The following SGMS1 variants were observed in gnomAD, a reference collection of about 807,000 sequenced individuals.
SGMS1 encodes the protein sphingomyelin synthase 1.
In SGMS1, 13 loss-of-function variants were observed where a neutral mutation model predicts 46.2. The observed-to-expected ratio is 0.28, with a 90% confidence interval of 0.18 to 0.45. The LOEUF (loss-of-function observed/expected upper bound fraction) is 0.45, where lower values mean the gene tolerates loss of function less well. Ranked by LOEUF, SGMS1 falls within the 20% of genes least tolerant of loss-of-function variation. The probability of loss-of-function intolerance (pLI) is 1.00; values close to 1 mark genes in which losing one functional copy is unlikely to be tolerated. For synonymous variants in SGMS1, 203 were observed against 187.8 expected (o/e 1.08, Z -0.66); for missense variants, 324 against 519.9 (o/e 0.62, Z 3.66).
At chr10:50,459,283 G>C (rs912047197) in intron 5 of SGMS1, among the ~76,000 whole-genome samples, 1 of 151,980 alleles carries the variant, frequency 6.6e-6, no homozygotes, top group African/African-American at 2.4e-5. Flanking sequence ...AATAAAAGTT[G>C]AAAATACTTA....
intron 6 of SGMS1, among the ~76,000 whole-genome samples, chr10:50,405,446 T>C (rs1470948869): frequency 1.3e-5 from 2 of 152,188 alleles, no homozygotes; most frequent in East Asian, 3.8e-4. Context: ...ATTTCTCCCT[T>C]TCTAATGTTT....
chr10:50,463,400 A>G (rs1837291089), intron 4 of SGMS1, among the ~76,000 whole-genome samples: 2 of 152,252 alleles, frequency 1.3e-5, no homozygotes, highest in Admixed American at 6.5e-5. Flanking sequence ...CAAATGGTCA[A>G]TAAGTACATG....
chr10:50,321,824 G>C (rs972146008), intron 8 of SGMS1, among the ~76,000 whole-genome samples: 1 of 152,174 alleles, frequency 6.6e-6, no homozygotes, highest in Non-Finnish European at 1.5e-5. Context: ...ACTGAAGAAG[G>C]CCATAACATC....
At chr10:50,512,265 G>T (rs192208270) in intron 3 of SGMS1, among the ~76,000 whole-genome samples, 1 of 152,010 alleles carries the variant, frequency 6.6e-6, no homozygotes, top group Admixed American at 6.6e-5. Flanking sequence ...CTCCATACAT[G>T]ATAGCACTCA....
At chr10:50,507,993 C>T (rs1341690442) in intron 3 of SGMS1, among the ~76,000 whole-genome samples, 2 of 152,230 alleles carry the variant, frequency 1.3e-5, no homozygotes, top group East Asian at 3.9e-4. Flanking sequence ...ACAACAGATC[C>T]CATGAGGGAC....
chr10:50,544,711 A>G (rs1838085385), intron 2 of SGMS1, among the ~76,000 whole-genome samples: 2 of 152,238 alleles, frequency 1.3e-5, no homozygotes, highest in Admixed American at 6.5e-5. Context: ...GAGATAAACA[A>G]GGAAAAACAG....
chr10:50,434,521 A>G (rs1849448150), intron 5 of SGMS1, among the ~76,000 whole-genome samples: 1 of 152,112 alleles, frequency 6.6e-6, no homozygotes, highest in Non-Finnish European at 1.5e-5. Context: ...TGAACCATAG[A>G]CAGAAACCTC....
intron 6 of SGMS1, among the ~76,000 whole-genome samples, chr10:50,430,913 A>G (rs745893356): frequency 2.6e-5 from 4 of 152,104 alleles, no homozygotes; most frequent in African/African-American, 9.7e-5. Flanking sequence ...ATCAACAAAC[A>G]TGAGTTTGTT....
intron 2 of SGMS1, among the ~76,000 whole-genome samples, chr10:50,575,355 A>G (rs1838374615): frequency 2.0e-5 from 3 of 152,030 alleles, no homozygotes; most frequent in African/African-American, 7.2e-5. Context: ...GGAGTTCGAG[A>G]CCAGCCTAGG....
intron 6 of SGMS1, among the ~76,000 whole-genome samples, chr10:50,353,896 C>T (rs1848077021): frequency 6.6e-6 from 1 of 152,138 alleles, no homozygotes; most frequent in East Asian, 1.9e-4. Flanking sequence ...TGTGAAGGAC[C>T]TCTTCAAGGA....
chr10:50,538,715 G>T (rs1202895934), intron 2 of SGMS1, among the ~76,000 whole-genome samples: 1 of 152,176 alleles, frequency 6.6e-6, no homozygotes, highest in East Asian at 1.9e-4. Flanking sequence ...TACTTAGTGG[G>T]ATGGAATTCA....
chr10:50,392,993 G>GTT (rs34313644), intron 6 of SGMS1, among the ~76,000 whole-genome samples: 1,749 of 147,820 alleles, frequency 0.012, 37 homozygotes, highest in African/African-American at 0.04. Context: ...CATCCAGAAA[G>GTT]TTTTTTTTTT....
intron 6 of SGMS1, among the ~76,000 whole-genome samples, chr10:50,371,993 A>G (rs934029867): frequency 1.3e-5 from 2 of 152,210 alleles, no homozygotes; most frequent in African/African-American, 4.8e-5. Context: ...TAAGTTTCCA[A>G]CACGTGAACT....
At chr10:50,539,172 A>G (rs1452080882) in intron 2 of SGMS1, among the ~76,000 whole-genome samples, 1 of 152,166 alleles carries the variant, frequency 6.6e-6, no homozygotes, top group African/African-American at 2.4e-5. Context: ...ACTCAACCAT[A>G]GGCCCCACCC....
intron 6 of SGMS1, among the ~76,000 whole-genome samples, chr10:50,375,778 C>T (rs1468408358): frequency 6.6e-6 from 1 of 152,100 alleles, no homozygotes; most frequent in East Asian, 1.9e-4. Context: ...AGTGTACAGA[C>T]CTCAAAACAG....
chr10:50,331,495 T>C (rs1847623304), intron 7 of SGMS1, among the ~76,000 whole-genome samples: 3 of 152,250 alleles, frequency 2.0e-5, no homozygotes, highest in African/African-American at 7.2e-5. Flanking sequence ...TAGTATCACA[T>C]AGCTATCTAA....
In SGMS1 at chr10:50,472,686, T is replaced by C. The variant is rs182495954; in HGVS notation, c.-497-5754A>G. The C allele has an allele frequency of 2.0e-5, 3 of 152,318 alleles. No homozygotes were observed. The East Asian group carries it at 5.8e-4, about 29-fold the overall frequency. The allele number at this position is 152,318 out of a possible 1,614,324, so 9.4% of individuals were successfully genotyped here. A position where few individuals can be genotyped will look rare whatever the true frequency, so the allele number is the denominator to read the frequency against. ...TTCAGATCAAATTTCTTTGGATACA[T>C]TTTTAGAAGTGAGATTACTGAACTG... On this transcript the variant is annotated intron_variant, in intron 3 of 10. Coordinates refer to ENST00000361781, the MANE Select transcript of SGMS1 (RefSeq NM_147156.4).
At chr10:50,524,597 T>C (rs1226520877) in intron 2 of SGMS1, among the ~76,000 whole-genome samples, 1 of 152,232 alleles carries the variant, frequency 6.6e-6, no homozygotes, top group Non-Finnish European at 1.5e-5. Context: ...GCACTTAACA[T>C]GTATGATCTT....
intron 2 of SGMS1, among the ~76,000 whole-genome samples, chr10:50,549,723 A>T (rs1838132669): frequency 6.6e-6 from 1 of 152,170 alleles, no homozygotes; most frequent in South Asian, 2.1e-4. Flanking sequence ...AAAAATTCAG[A>T]TCATTGCACT....
Sources: allele counts gnomAD v4.1 joint callset (sites outside exome capture counted in the v4.1 genomes callset), GRCh38; gene constraint gnomAD v4.1.1; transcripts MANE v1.5; gene names NCBI Gene and HGNC (gene_info 2026-07-23, HGNC 2026-07-21).